Variants in DPP10 observed in about 807,000 individuals in gnomAD.
The protein encoded by DPP10 is dipeptidyl peptidase like 10.
In DPP10, 33 loss-of-function variants were observed where a neutral mutation model predicts 120.9. The observed-to-expected ratio is 0.27, with a 90% CI of 0.21 to 0.37. DPP10 has a LOEUF of 0.37. DPP10 is among the 10% of genes least tolerant of loss of function. The probability of loss-of-function intolerance (pLI) is 1.00; values close to 1 mark genes in which losing one functional copy is unlikely to be tolerated. For missense variants in DPP10, 816 were observed against 942.8 expected (o/e 0.87, Z 1.76); for synonymous variants, 337 against 326.1 (o/e 1.03, Z -0.36).
intron 5 of DPP10, among the ~76,000 whole-genome samples, chr2:115,643,967 T>C (rs2087003856): frequency 1.3e-5 from 2 of 152,294 alleles, no homozygotes; most frequent in Non-Finnish European, 2.9e-5. Flanking sequence ...GTTGGTACTT[T>C]CCTGTCATTG....
chr2:114,673,361 A>G (rs1190287767), intron 1 of DPP10, among the ~76,000 whole-genome samples: 2 of 152,176 alleles, frequency 1.3e-5, no homozygotes, highest in Admixed American at 1.3e-4. Flanking sequence ...CCCCGAAGCC[A>G]TGTATTTCCT....
chr2:115,507,071 A>G (rs1464824220), intron 4 of DPP10, among the ~76,000 whole-genome samples: 3 of 150,538 alleles, frequency 2.0e-5, no homozygotes, highest in Non-Finnish European at 3.0e-5. Context: ...CACACACCCC[A>G]CCAAGCAAGC....
chr2:114,591,801 C>T (rs1691490984), intron 1 of DPP10, among the ~76,000 whole-genome samples: 3 of 152,024 alleles, frequency 2.0e-5, no homozygotes, highest in Non-Finnish European at 4.4e-5. Flanking sequence ...GATCTGCCCA[C>T]CTTGGCCTCC....
intron 3 of DPP10, among the ~76,000 whole-genome samples, chr2:115,455,374 G>T (rs1041858098): frequency 5.3e-5 from 8 of 151,860 alleles, no homozygotes; most frequent in Admixed American, 5.3e-4. Context: ...TTAAAAATAA[G>T]AAAATGGCCA....
At chr2:114,723,801 T>C (rs941821762) in intron 1 of DPP10, among the ~76,000 whole-genome samples, 1 of 152,162 alleles carries the variant, frequency 6.6e-6, no homozygotes. Context: ...TAATAAATAA[T>C]TTACAGTAAA....
chr2:114,627,616 T>A (rs1283769736), intron 1 of DPP10, among the ~76,000 whole-genome samples: 1 of 151,502 alleles, frequency 6.6e-6, no homozygotes, highest in Admixed American at 6.6e-5. Context: ...TTTTTTTAGG[T>A]AGGGGGAGGG....
At chr2:115,469,901 A>C (rs58751750) in intron 3 of DPP10, among the ~76,000 whole-genome samples, 1 of 74,652 alleles carries the variant, frequency 1.3e-5, no homozygotes, top group Non-Finnish European at 3.1e-5. Flanking sequence ...AAAAAAAAAG[A>C]AAAAAAAAAA....
At chr2:114,531,037 A>G (rs1685931536) in intron 1 of DPP10, among the ~76,000 whole-genome samples, 1 of 152,180 alleles carries the variant, frequency 6.6e-6, no homozygotes, top group South Asian at 2.1e-4. Flanking sequence ...AAAGTGACAG[A>G]CAAAGATGGT....
At chr2:114,842,256 C>T (rs1256826483) in intron 1 of DPP10, among the ~76,000 whole-genome samples, 1 of 152,040 alleles carries the variant, frequency 6.6e-6, no homozygotes, top group Non-Finnish European at 1.5e-5. Flanking sequence ...GGCTATTTGG[C>T]ATTCCTTACC....
chr2:115,154,561 G>A (rs570786218), intron 1 of DPP10, among the ~76,000 whole-genome samples: 2 of 152,160 alleles, frequency 1.3e-5, no homozygotes, highest in East Asian at 3.9e-4. Context: ...AACAGAAAGA[G>A]AAAATATATT....
At chr2:114,477,169 G>A (rs561891871) in intron 1 of DPP10, among the ~76,000 whole-genome samples, 203 of 151,940 alleles carry the variant, frequency 1.3e-3, no homozygotes, top group Middle Eastern at 6.8e-3. Flanking sequence ...ATGTTGGACA[G>A]GCAGGTCTTG....
chr2:114,923,463 C>A (rs965521088), intron 1 of DPP10, among the ~76,000 whole-genome samples: 6 of 135,222 alleles, frequency 4.4e-5, no homozygotes, highest in Admixed American at 1.5e-4. Context: ...CCACGCTTGG[C>A]CTTTTTTCCT....
intron 1 of DPP10, among the ~76,000 whole-genome samples, chr2:115,212,793 T>G (rs750141952): frequency 2.0e-5 from 3 of 152,208 alleles, no homozygotes; most frequent in Admixed American, 1.3e-4. Context: ...GGGGCATATT[T>G]GTTCATAAAT....
intron 1 of DPP10, among the ~76,000 whole-genome samples, chr2:115,290,808 C>T (rs1320223306): frequency 1.3e-5 from 2 of 152,134 alleles, no homozygotes; most frequent in African/African-American, 2.4e-5. Context: ...AACACTCTAG[C>T]ATTGCTTATG....
At chr2:115,776,126 C>T (rs1019441783) in intron 13 of DPP10, among the ~76,000 whole-genome samples, 1 of 152,080 alleles carries the variant, frequency 6.6e-6, no homozygotes, top group Non-Finnish European at 1.5e-5. Flanking sequence ...ATACACAACA[C>T]TAGAGATAAC....
intron 1 of DPP10, among the ~76,000 whole-genome samples, chr2:115,264,580 C>T (rs2059383986): frequency 6.6e-6 from 1 of 152,132 alleles, no homozygotes; most frequent in African/African-American, 2.4e-5. Context: ...CACAATAAGC[C>T]ATTTCAATGT....
At chr2:115,295,297 G>A (rs75998246) in intron 1 of DPP10, among the ~76,000 whole-genome samples, 2 of 152,100 alleles carry the variant, frequency 1.3e-5, no homozygotes, top group Admixed American at 6.6e-5. Flanking sequence ...CACAAATGAT[G>A]TGAAATGCAT....
intron 1 of DPP10, among the ~76,000 whole-genome samples, chr2:114,517,132 A>C (rs1684655473): frequency 6.6e-6 from 1 of 152,166 alleles, no homozygotes; most frequent in African/African-American, 2.4e-5. Flanking sequence ...TTGATATCAC[A>C]GGTAATAACT....
chr2:114,529,263 C>T (rs1023301093), intron 1 of DPP10, among the ~76,000 whole-genome samples: 2 of 152,090 alleles, frequency 1.3e-5, no homozygotes, highest in African/African-American at 4.8e-5. Flanking sequence ...TTCTTTAGGC[C>T]AACCACTTTT....
Sources: allele counts gnomAD v4.1 joint callset (sites outside exome capture counted in the v4.1 genomes callset), GRCh38; gene constraint gnomAD v4.1.1; transcripts MANE v1.5; gene names NCBI Gene and HGNC (gene_info 2026-07-23, HGNC 2026-07-21).